AQR: variants seen among roughly 807,000 people sequenced by gnomAD.
AQR encodes RNA helicase aquarius.
In AQR, 61 loss-of-function variants were observed where a neutral mutation model predicts 180.5. That is an observed-to-expected ratio of 0.34 (90% CI 0.28 to 0.42). The LOEUF (loss-of-function observed/expected upper bound fraction) is 0.42. Ranked by LOEUF, AQR falls within the 10% of genes least tolerant of loss-of-function variation. AQR has a pLI of 1.00. For missense variants in AQR, 1,281 were observed against 1,798.3 expected, an observed-to-expected ratio of 0.71 and a Z score of 5.20; for synonymous variants, 551 against 588.8, an observed-to-expected ratio of 0.94 and a Z score of 0.93.
intron 3 of AQR, among the ~76,000 whole-genome samples, chr15:34,956,617 A>C (rs1430538538): frequency 1.3e-5 from 2 of 148,780 alleles, no homozygotes; most frequent in Non-Finnish European, 3.0e-5. Flanking sequence ...GCGCCACTGC[A>C]CTCCAGCCTG....
chr15:34,883,144 A>G (rs1893001884), intron 26 of AQR, among the ~76,000 whole-genome samples: 2 of 152,172 alleles, frequency 1.3e-5, no homozygotes, highest in Non-Finnish European at 2.9e-5. Flanking sequence ...CTGGAACCAC[A>G]AGTTTTTCCA....
chr15:34,967,837 G>T (rs765011334), intron 1 of AQR, among the ~76,000 whole-genome samples: 2 of 152,170 alleles, frequency 1.3e-5, no homozygotes, highest in Non-Finnish European at 2.9e-5. Context: ...TTTTTAGACG[G>T]AGTTTTGCTC....
At chr15:34,937,873 C>G (rs8024212) in intron 9 of AQR, among the ~76,000 whole-genome samples, 96,092 of 150,622 alleles carry the variant, frequency 0.64, 31,938 homozygotes, top group South Asian at 0.75. Context: ...GACAGAGTGA[C>G]ACTCTGTCTC....
At chr15:34,903,242 A>G (rs187935308) in intron 19 of AQR, among the ~76,000 whole-genome samples, 1 of 152,302 alleles carries the variant, frequency 6.6e-6, no homozygotes, top group Admixed American at 6.5e-5. Flanking sequence ...GTGTTAGAAA[A>G]TGATGTTGGA....
chr15:34,942,731 G>C (rs538228251), intron 6 of AQR, among the ~76,000 whole-genome samples: 2 of 152,306 alleles, frequency 1.3e-5, no homozygotes, highest in East Asian at 3.9e-4. Flanking sequence ...ATAAGGCTAT[G>C]TATTGATAGT....
Position 34,906,716 on chromosome 15 carries a change from G to A in AQR, c.1664-4C>T, listed in dbSNP as rs763492195. ...CATACATCATGCTTACGAAGACCTG[G>A]TAAGATATAAAGACATTTTCATTTA... On this transcript the variant is annotated splice_region_variant and splice_polypyrimidine_tract_variant and intron_variant, in intron 17 of 34. Transcript: ENST00000156471. 1.9e-6 allele frequency: 3 copies of A among 1,609,998 alleles called. No homozygotes were observed. The highest frequency in any genetic ancestry group is 2.2e-5 in the South Asian group (2 of 90,544).
chr15:34,969,647 A>G lies in AQR; in HGVS notation c.-34T>C. The G allele has an allele frequency of 3.7e-6, 6 of 1,607,502 alleles. No individual in the cohort carries two copies. The highest frequency in any genetic ancestry group is 2.2e-5 in the East Asian group (1 of 44,830). On this transcript the variant is annotated 5_prime_UTR_variant, in exon 1 of 35. Coordinates refer to ENST00000156471, the MANE Select transcript of AQR (RefSeq NM_014691.3). ...TCTTCCCTCCACTCCAGTGGAAACT[A>G]AAGGACCGCTCTGGGCAGCGGCAAC...
In AQR at chr15:34,856,858, A is replaced by T. The variant is rs777926449; in HGVS notation, c.4392T>A (p.Ala1464=). The part of the protein sequence containing the change: ...LSETTPTVVG[A]VSAPAEANTP... ...TGTTAGCTTCTGCCGGTGCAGATAC[A>T]GCTCCTACCACAGTAGGGGTGGTCT... is the stretch of plus-strand genomic sequence containing the variant. The change falls in exon 35 of 35, where the codon GCT becomes GCA. Residue 1464 remains alanine (A), a synonymous_variant. Coordinates refer to ENST00000156471, the MANE Select transcript of AQR (RefSeq NM_014691.3). 2 of 1,611,162 alleles carry T rather than the reference A, an allele frequency of 1.2e-6. No homozygotes were observed. Among genetic ancestry groups the T allele is most frequent in the South Asian group, 2.2e-5 (2 of 90,534 alleles).
intron 14 of AQR, among the ~76,000 whole-genome samples, chr15:34,919,988 A>G (rs756549636): frequency 6.6e-6 from 1 of 152,212 alleles, no homozygotes; most frequent in Non-Finnish European, 1.5e-5. Context: ...GCAAAGAGTT[A>G]TTATTAATTC....
rs140806637 is a variant in AQR, at chr15:34,966,966, T to C, written c.75+2573A>G. Among the ~76,000 whole-genome samples the C allele has an allele frequency of 1.0e-3, 143 of 143,016 alleles. 2 individuals carry two copies. In the East Asian group the frequency reaches 0.03, roughly 30 times the overall value. The allele number at this position is 143,016 out of a possible 152,430, so 93.8% of individuals were successfully genotyped here. A position where few individuals can be genotyped will look rare whatever the true frequency, so the allele number is the denominator to read the frequency against. On this transcript the variant is annotated intron_variant, in intron 1 of 34. Transcript: ENST00000156471. ...ATCTCAGCTCACTGCAACCTCTGCC[T>C]CCTGGGTTCAAGTGATTCTCCTGCC...
At chr15:34,944,542 G>T in intron 5 of AQR, 114 bp from the exon 6 acceptor site, 2 of 1,065,972 alleles carry the variant, frequency 1.9e-6, no homozygotes, top group South Asian at 2.0e-5. Context: ...TTACAAAAGG[G>T]TTATTTGTAT....
At chr15:34,875,851 A>T in intron 28 of AQR, 84 bp downstream of exon 28, 1 of 1,012,434 alleles carries the variant, frequency 9.9e-7, no homozygotes, top group South Asian at 1.5e-5. Context: ...GGCAATCAGC[A>T]CACCCAAACT....
In AQR at chr15:34,932,347, T is replaced by G; in HGVS notation, c.871A>C (p.Arg291=). 1 of 1,613,644 alleles carries G rather than the reference T, an allele frequency of 6.2e-7. No homozygotes were observed. ...VHCYLSNLVR[R]EEDGHLFSQL... Reference sequence around the variant, plus strand: ...GAAAAAAGATGGCCATCCTCTTCTCTACGAACAAGATTGGAAAGGTAACAG... The same window carrying G: ...GAAAAAAGATGGCCATCCTCTTCTCGACGAACAAGATTGGAAAGGTAACAG... Residue 291 remains arginine, a synonymous_variant, in exon 11 of 35, where the codon AGA becomes CGA. Transcript: ENST00000156471.
At chr15:34,869,373 A>C (rs1892782632) in intron 31 of AQR, 3 of 152,048 alleles carry the variant, frequency 2.0e-5, no homozygotes, top group African/African-American at 4.8e-5. Flanking sequence ...TTTAGTAATA[A>C]CTTTTATAGG....
chr15:34,962,576 C>G (rs2140509306), intron 2 of AQR, among the ~76,000 whole-genome samples: 1 of 152,108 alleles, frequency 6.6e-6, no homozygotes, highest in Admixed American at 6.6e-5. Context: ...TGAGACCAGC[C>G]TGGCCAACAT....
intron 5 of AQR, among the ~76,000 whole-genome samples, chr15:34,946,355 T>C (rs941422693): frequency 2.0e-5 from 3 of 151,976 alleles, no homozygotes; most frequent in African/African-American, 7.2e-5. Flanking sequence ...CATGTAAAAC[T>C]ACAAATATAA....
chr15:34,962,165 G>T (rs1265804366), intron 2 of AQR, among the ~76,000 whole-genome samples: 2 of 151,722 alleles, frequency 1.3e-5, no homozygotes, highest in East Asian at 3.9e-4. Context: ...GGGACCACAG[G>T]CATACACCAC....
chr15:34,922,224 C>T (rs562802631), intron 13 of AQR, among the ~76,000 whole-genome samples: 1 of 152,258 alleles, frequency 6.6e-6, no homozygotes, highest in East Asian at 1.9e-4. Context: ...CGTTGCTGAG[C>T]AGTATTTCAT....
Position 34,932,451 on chromosome 15 carries a change from T to G in AQR, c.784-17A>C, listed in dbSNP as rs74008005. On this transcript the variant is annotated splice_polypyrimidine_tract_variant and intron_variant, in intron 10 of 34. Coordinates refer to ENST00000156471, the MANE Select transcript of AQR (RefSeq NM_014691.3). ...TAGCAGGGCCTGGGAAAAACAAACA[T>G]CATAACAGTAAGTTTGCATCTATTC... 1 of 1,516,380 alleles carries G rather than the reference T, an allele frequency of 6.6e-7. No homozygotes were observed. Among genetic ancestry groups the G allele is most frequent in the African/African-American group, 1.4e-5 (1 of 71,448 alleles). 93.9% of individuals were successfully genotyped at this position (1,516,380 alleles called of 1,614,324 possible).
Sources: gnomAD v4.1 joint callset for allele counts (sites outside exome capture counted in the v4.1 genomes callset) on GRCh38, gnomAD v4.1.1 for gene constraint, MANE v1.5 for transcripts, NCBI Gene and HGNC (gene_info 2026-07-23, HGNC 2026-07-21) for gene names.